Variants in SESN3 observed in about 807,000 individuals in gnomAD.
SESN3 encodes sestrin-3.
SESN3 carries 21 observed loss-of-function variants against 55.3 expected under a neutral mutation model. The observed-to-expected ratio is 0.38, with a 90% CI of 0.27 to 0.55. SESN3 has a LOEUF of 0.55. Among genes scored for constraint, SESN3 ranks in the 20% least tolerant of loss-of-function variants. The probability of loss-of-function intolerance (pLI) is 0.76; values close to 1 mark genes in which losing one functional copy is unlikely to be tolerated. For missense variants in SESN3, 408 were observed against 604.3 expected, an observed-to-expected ratio of 0.68 and a Z score of 3.41; for synonymous variants, 181 against 203.1, an observed-to-expected ratio of 0.89 and a Z score of 0.93.
rs1859841389 is a variant in SESN3 at position 95,171,095 on chromosome 11, A to G, written c.*2160T>C. ...TCCTGTTATACAGTTCGCCTGCACA[A>G]AAATATAGGGCTATTAATTGAAAGC... is the stretch of plus-strand genomic sequence containing the variant. On this transcript the variant is annotated 3_prime_UTR_variant, in exon 10 of 10. Transcript: ENST00000536441. The G allele has an allele frequency of 6.6e-6, 1 of 152,188 alleles. No homozygotes were observed. Among genetic ancestry groups the G allele is most frequent in the Non-Finnish European group, 1.5e-5 (1 of 68,018 alleles). The allele number at this position is 152,188 out of a possible 1,614,324, so 9.4% of individuals were successfully genotyped here.
intron 1 of SESN3, among the ~76,000 whole-genome samples, chr11:95,199,672 A>C (rs574299039): frequency 1.1e-4 from 16 of 152,114 alleles, no homozygotes; most frequent in Non-Finnish European, 2.4e-4. Context: ...ACTTTAAGCT[A>C]TTAAATGCTT....
chr11:95,219,883 G>C (rs1227602316), intron 1 of SESN3, among the ~76,000 whole-genome samples: 1 of 151,926 alleles, frequency 6.6e-6, no homozygotes, highest in African/African-American at 2.4e-5. Flanking sequence ...ATACCCAGTG[G>C]TTAGGTTTCT....
intron 1 of SESN3, among the ~76,000 whole-genome samples, chr11:95,194,507 A>G (rs1860325399): frequency 6.6e-6 from 1 of 152,130 alleles, no homozygotes; most frequent in Non-Finnish European, 1.5e-5. Flanking sequence ...CTCTGCCCTC[A>G]TGAGCTGTAC....
intron 1 of SESN3, among the ~76,000 whole-genome samples, chr11:95,222,495 T>C (rs573191861): frequency 6.6e-6 from 1 of 152,240 alleles, no homozygotes; most frequent in Non-Finnish European, 1.5e-5. Context: ...AGTTTTCATA[T>C]TATTGGCTAT....
intron 1 of SESN3, among the ~76,000 whole-genome samples, chr11:95,227,481 G>T (rs1407621582): frequency 6.6e-6 from 1 of 152,054 alleles, no homozygotes; most frequent in Non-Finnish European, 1.5e-5. Context: ...TGGGATTACA[G>T]GCGTAAGCCA....
intron 1 of SESN3, among the ~76,000 whole-genome samples, chr11:95,195,990 A>G (rs1860354225): frequency 1.3e-5 from 2 of 152,168 alleles, no homozygotes; most frequent in Admixed American, 6.6e-5. Flanking sequence ...TGTGTTTTTA[A>G]TAGTGTTGAG....
intron 1 of SESN3, among the ~76,000 whole-genome samples, chr11:95,213,212 T>C (rs1860691434): frequency 6.6e-6 from 1 of 152,198 alleles, no homozygotes. Flanking sequence ...CTTCTATACA[T>C]AGATCAGTTG....
chr11:95,224,128 T>C (rs1402534031), intron 1 of SESN3, among the ~76,000 whole-genome samples: 1 of 152,178 alleles, frequency 6.6e-6, no homozygotes, highest in African/African-American at 2.4e-5. Context: ...GATTGAACTA[T>C]GCGTGAAAAA....
At chr11:95,205,970 A>G (rs1860539047) in intron 1 of SESN3, among the ~76,000 whole-genome samples, 1 of 152,060 alleles carries the variant, frequency 6.6e-6, no homozygotes, top group African/African-American at 2.4e-5. Context: ...CCCTAACCTA[A>G]CTTTTCAACT....
rs1346687946 is a variant in SESN3 at position 95,166,859 on chromosome 11, T to C, written c.*6396A>G. On this transcript the variant is annotated 3_prime_UTR_variant, in exon 10 of 10. Coordinates refer to ENST00000536441, the MANE Select transcript of SESN3 (RefSeq NM_144665.4). ...GAGGAAGGGGAAACTGTATTTTCTC[T>C]CCAGAGAAGACTAAATAATGCAAAG... 1 of 152,160 alleles carries C rather than the reference T, an allele frequency of 6.6e-6. No individual in the cohort carries two copies. Among genetic ancestry groups the C allele is most frequent in the Non-Finnish European group, 1.5e-5 (1 of 68,030 alleles). 9.4% of individuals were successfully genotyped at this position (152,160 alleles called of 1,614,324 possible).
intron 5 of SESN3, 139 bp from the exon 6 acceptor site, chr11:95,184,733 T>C: frequency 1.5e-6 from 1 of 683,304 alleles, no homozygotes; most frequent in African/African-American, 1.8e-5. Context: ...TTTCACCAAT[T>C]TCAAAGGAAA....
At chr11:95,228,750 G>A (rs1263469853) in intron 1 of SESN3, among the ~76,000 whole-genome samples, 1 of 152,070 alleles carries the variant, frequency 6.6e-6, no homozygotes, top group African/African-American at 2.4e-5. Context: ...TAAATACCTT[G>A]GAGTTACTAA....
At chr11:95,177,187 C>G (rs1324017995) in intron 8 of SESN3, among the ~76,000 whole-genome samples, 2 of 152,056 alleles carry the variant, frequency 1.3e-5, no homozygotes, top group Non-Finnish European at 2.9e-5. Flanking sequence ...ACTTACTGTC[C>G]TCTCAATGCT....
At chr11:95,223,239 A>G (rs1314899100) in intron 1 of SESN3, among the ~76,000 whole-genome samples, 1 of 151,848 alleles carries the variant, frequency 6.6e-6, no homozygotes, top group East Asian at 1.9e-4. Context: ...GAACTCCCAC[A>G]TTCAAACAAT....
intron 1 of SESN3, chr11:95,224,382 A>C (rs949657865): frequency 7.7e-5 from 30 of 387,324 alleles, no homozygotes; most frequent in Admixed American, 5.0e-4. Context: ...AATGATCCTG[A>C]AAACTAGAGG....
intron 1 of SESN3, among the ~76,000 whole-genome samples, chr11:95,223,120 C>T (rs934111390): frequency 2.0e-5 from 3 of 152,094 alleles, no homozygotes; most frequent in African/African-American, 7.2e-5. Flanking sequence ...TAGTTGCTGG[C>T]TGTCATAGCT....
rs1859841461 is a variant in SESN3 at position 95,171,100 on chromosome 11, A to G, written c.*2155T>C. 2.0e-5 allele frequency: 3 copies of G among 152,208 alleles called. No homozygotes were observed. The highest frequency in any genetic ancestry group is 4.4e-5 in the Non-Finnish European group (3 of 68,022). 9.4% of individuals were successfully genotyped at this position (152,208 alleles called of 1,614,324 possible). On this transcript the variant is annotated 3_prime_UTR_variant, in exon 10 of 10. Coordinates refer to ENST00000536441, the MANE Select transcript of SESN3 (RefSeq NM_144665.4). Reference sequence around the variant, plus strand: ...TTATACAGTTCGCCTGCACAAAAATATAGGGCTATTAATTGAAAGCATCTA... The same window carrying G: ...TTATACAGTTCGCCTGCACAAAAATGTAGGGCTATTAATTGAAAGCATCTA...
intron 1 of SESN3, among the ~76,000 whole-genome samples, chr11:95,215,899 C>G (rs1466297702): frequency 6.6e-6 from 1 of 151,784 alleles, no homozygotes; most frequent in African/African-American, 2.4e-5. Context: ...GAGATCGAGA[C>G]CATCCTGGCT....
At chr11:95,192,400 T>A (rs912683298) in intron 2 of SESN3, among the ~76,000 whole-genome samples, 1 of 152,114 alleles carries the variant, frequency 6.6e-6, no homozygotes, top group Non-Finnish European at 1.5e-5. Flanking sequence ...ATGAGATGCA[T>A]AATTCTAAGA....
Sources: allele counts gnomAD v4.1 joint callset (sites outside exome capture counted in the v4.1 genomes callset), GRCh38; gene constraint gnomAD v4.1.1; transcripts MANE v1.5; gene names NCBI Gene and HGNC (gene_info 2026-07-23, HGNC 2026-07-21).